The following IQSEC1 variants were observed in gnomAD, a reference collection of about 807,000 sequenced individuals.
The protein encoded by IQSEC1 is IQ motif and SEC7 domain-containing protein 1.
In IQSEC1, 31 loss-of-function variants were observed where a neutral mutation model predicts 91.0. The ratio of observed to expected loss-of-function variants is 0.34; its 90% CI spans 0.26 to 0.46. The LOEUF (loss-of-function observed/expected upper bound fraction) is 0.46, where lower values mean the gene tolerates loss of function less well. Among genes scored for constraint, IQSEC1 ranks in the 20% least tolerant of loss-of-function variants. The pLI is 1.00. For missense variants in IQSEC1, 1,388 were observed against 1,575.6 expected, an observed-to-expected ratio of 0.88 and a Z score of 2.02; for synonymous variants, 699 against 662.6, an observed-to-expected ratio of 1.05 and a Z score of -0.84.
At chr3:13,130,431 A>G (rs926009949) in intron 2 of IQSEC1, among the ~76,000 whole-genome samples, 57 of 152,134 alleles carry the variant, frequency 3.7e-4, no homozygotes, top group African/African-American at 1.3e-3. Context: ...TGGTCAGTGC[A>G]CATACTTTGT....
Position 12,994,638 on chromosome 3 carries a change from C to A in IQSEC1, c.24-52773G>T, listed in dbSNP as rs1418881640. Among the ~76,000 whole-genome samples the A allele has an allele frequency of 6.6e-6, 1 of 152,240 alleles. No individual in the cohort carries two copies. Among genetic ancestry groups the A allele is most frequent in the Non-Finnish European group, 1.5e-5 (1 of 68,046 alleles). On this transcript the variant is annotated intron_variant, in intron 1 of 13. Transcript: ENST00000613206. This position sits in a 1 kb window ranked among gnomAD's most constrained non-coding sequence, Gnocchi z 4.5. The stretch of plus-strand genomic sequence containing the variant: ...GAAACGCCCCACCCCCGCCGCCGTC[C>A]CCAGTTCGCAGATGGGAACACTGAG...
At chr3:12,939,419 G>A (rs1156245060) in intron 2 of IQSEC1, among the ~76,000 whole-genome samples, 1 of 152,222 alleles carries the variant, frequency 6.6e-6, no homozygotes, top group Admixed American at 6.5e-5. Flanking sequence ...CCACTGGAGG[G>A]CACAGTGGGT....
chr3:13,229,083 T>TAC (rs1316348073), intron 1 of IQSEC1, among the ~76,000 whole-genome samples: 2 of 152,056 alleles, frequency 1.3e-5, no homozygotes, highest in African/African-American at 4.8e-5. Flanking sequence ...ACCACTGGCA[T>TAC]ACACACACAC....
At position 13,008,279 on chromosome 3, in the gene IQSEC1, G is replaced by A. The variant is rs1357454397; in HGVS notation, c.23+64713C>T. Among the ~76,000 whole-genome samples, 1 of 151,546 alleles carries A rather than the reference G, an allele frequency of 6.6e-6. No homozygotes were observed. Among genetic ancestry groups the A allele is most frequent in the Non-Finnish European group, 1.5e-5 (1 of 67,464 alleles). ...TCTCCTTCCCGCGTCGAAGCTCAGA[G>A]GTGAGCCTCAGCTGACCCTCCCTCC... On this transcript the variant is annotated intron_variant, in intron 1 of 13. Coordinates refer to ENST00000613206, the MANE Select transcript of IQSEC1 (RefSeq NM_001134382.3). The surrounding 1 kb of genome is among the most constrained non-coding windows in gnomAD (Gnocchi z 4.1).
chr3:13,129,808 A>T lies in IQSEC1; in HGVS notation c.302+34296T>A, dbSNP rs1706580487. Among the ~76,000 whole-genome samples the T allele has an allele frequency of 2.6e-5, 4 of 151,284 alleles. No individual in the cohort carries two copies. The South Asian group carries it at 8.4e-4, about 32-fold the overall frequency. The stretch of plus-strand genomic sequence containing the variant: ...GAGTAGCTGGGACTACAGGTGCCCA[A>T]CACCACGCCCGGCTAGTTTTTTTGT... On this transcript the variant is annotated intron_variant, in intron 2 of 15. Coordinates refer to the IQSEC1 transcript ENST00000648114.
At chr3:12,972,300 A>T (rs79446496) in intron 1 of IQSEC1, among the ~76,000 whole-genome samples, 188 of 152,060 alleles carry the variant, frequency 1.2e-3, no homozygotes, top group African/African-American at 4.3e-3. Flanking sequence ...TGACAGACTG[A>T]GATCCTGTCA....
chr3:13,111,034 C>T (rs1023148613), intron 2 of IQSEC1, among the ~76,000 whole-genome samples: 6 of 152,212 alleles, frequency 3.9e-5, no homozygotes, highest in African/African-American at 1.2e-4. Context: ...CTAAGAGGAA[C>T]GGCCAGGGCC....
At chr3:13,252,923 G>A (rs1465907395) in intron 1 of IQSEC1, among the ~76,000 whole-genome samples, 1 of 152,052 alleles carries the variant, frequency 6.6e-6, no homozygotes, top group African/African-American at 2.4e-5. Flanking sequence ...TAGTAGTGAC[G>A]GAGTTTCACC....
chr3:13,240,485 C>G (rs962023793), intron 1 of IQSEC1, among the ~76,000 whole-genome samples: 5 of 152,148 alleles, frequency 3.3e-5, no homozygotes, highest in African/African-American at 7.2e-5. Context: ...CTTGGAGGAA[C>G]CCAACAGCAA....
At chr3:13,246,761 G>A (rs1392222782) in intron 1 of IQSEC1, among the ~76,000 whole-genome samples, 2 of 152,106 alleles carry the variant, frequency 1.3e-5, no homozygotes, top group Non-Finnish European at 2.9e-5. Context: ...GGTCAGGGGC[G>A]ATGTCCTATC....
chr3:13,175,488 G>C (rs375775858), intron 1 of IQSEC1, among the ~76,000 whole-genome samples: 1 of 152,162 alleles, frequency 6.6e-6, no homozygotes, highest in Non-Finnish European at 1.5e-5. Context: ...AGGATCGCCC[G>C]GAAGCACGCT....
intron 1 of IQSEC1, among the ~76,000 whole-genome samples, chr3:13,242,088 A>C (rs1339573465): frequency 1.3e-5 from 2 of 152,160 alleles, no homozygotes; most frequent in African/African-American, 4.8e-5. Flanking sequence ...GGGCAAAGGG[A>C]CAGCTCCTAG....
chr3:13,206,524 A>G (rs1694348524), intron 1 of IQSEC1, among the ~76,000 whole-genome samples: 2 of 152,262 alleles, frequency 1.3e-5, no homozygotes, highest in Admixed American at 1.3e-4. Flanking sequence ...CCATAGGCAC[A>G]TATGACCGTA....
Position 12,901,278 on chromosome 3 carries a change from T to C in IQSEC1, c.3050A>G (p.Glu1017Gly). 1 of 1,546,812 alleles carries C rather than the reference T, an allele frequency of 6.5e-7. No homozygotes were observed. The highest frequency in any genetic ancestry group is 1.2e-5 in the South Asian group (1 of 83,920). Residue 1017 changes from glutamate (E) to glycine (G), a missense_variant, in exon 14 of 14, where the codon GAG (glutamate) becomes GGG (glycine). Around this residue, in one of 2 missense-constraint regions of IQSEC1, gnomAD observed 329 missense variants for 257.8 expected, o/e 1.28. Coordinates refer to ENST00000613206, the MANE Select transcript of IQSEC1 (RefSeq NM_001134382.3). The stretch of plus-strand genomic sequence containing the variant: ...GTGCATGGCGGCCTGCGGCAGCCCC[T>C]CTGGGGGCCCCAGGTGGTGGCCAGC... ...SVAGHHLGPP[E>G]GLPQAAMHGH...
chr3:13,165,781 A>T (rs918757220), intron 1 of IQSEC1, among the ~76,000 whole-genome samples: 16 of 151,996 alleles, frequency 1.1e-4, no homozygotes, highest in African/African-American at 3.9e-4. Flanking sequence ...CTGCAATCAC[A>T]TGAGCGGCCC....
chr3:12,911,773 G>T, intron 9 of IQSEC1, 45 bp from the exon 10 acceptor site: 1 of 1,327,550 alleles, frequency 7.5e-7, no homozygotes, highest in Non-Finnish European at 1.1e-6. Flanking sequence ...GTCTCGGGGG[G>T]CACTGACTAT....
At chr3:13,252,242 T>A (rs1353065932) in intron 1 of IQSEC1, among the ~76,000 whole-genome samples, 2 of 152,188 alleles carry the variant, frequency 1.3e-5, no homozygotes, top group Non-Finnish European at 2.9e-5. Context: ...TTCCACTTTC[T>A]GTCTCTACAA....
intron 1 of IQSEC1, among the ~76,000 whole-genome samples, chr3:13,034,776 A>G (rs901149667): frequency 2.0e-5 from 3 of 152,164 alleles, no homozygotes; most frequent in Non-Finnish European, 4.4e-5. Flanking sequence ...CCTCTGGGGT[A>G]TTTCTCACCT....
rs1696900318 is a variant in IQSEC1, at chr3:12,924,165, C to T, written c.1730+416G>A. 6.6e-6 allele frequency among the ~76,000 whole-genome samples: 1 copy of T among 152,196 alleles called. No individual in the cohort carries two copies. The highest frequency in any genetic ancestry group is 6.5e-5 in the Admixed American group (1 of 15,288). On this transcript the variant is annotated intron_variant, in intron 4 of 13. Transcript: ENST00000613206. The surrounding 1 kb of genome is among the most constrained non-coding windows in gnomAD (Gnocchi z 6.3). ...GCATGCAGTCCATGCAGGAGGACAACAGCCAGGCCAGGGGAAGAGGCCCTG... is the reference window on the plus strand; with the variant it reads ...GCATGCAGTCCATGCAGGAGGACAATAGCCAGGCCAGGGGAAGAGGCCCTG...
Sources: allele counts gnomAD v4.1 joint callset (sites outside exome capture counted in the v4.1 genomes callset), GRCh38; gene constraint gnomAD v4.1.1; regional missense constraint gnomAD v4.1.1; non-coding constraint Gnocchi (gnomAD v3.1); transcripts MANE v1.5; gene names NCBI Gene and HGNC (gene_info 2026-07-23, HGNC 2026-07-21).